Variants in RECK observed in about 807,000 individuals in gnomAD.
The protein encoded by RECK is reversion-inducing cysteine-rich protein with Kazal motifs.
In RECK, 69 loss-of-function variants were observed where a neutral mutation model predicts 115.1. That is an observed-to-expected ratio of 0.60 (90% CI 0.49 to 0.73). The LOEUF is 0.73. Ranked by LOEUF, RECK falls within the 30% of genes least tolerant of loss-of-function variation. RECK has a pLI of 0.00. For synonymous variants in RECK, 414 were observed against 419.7 expected, an observed-to-expected ratio of 0.99 and a Z score of 0.17; for missense variants, 1,047 against 1,203.7, an observed-to-expected ratio of 0.87 and a Z score of 1.93.
At chr9:36,062,659 G>A (rs1041818956) in intron 4 of RECK, among the ~76,000 whole-genome samples, 1 of 151,474 alleles carries the variant, frequency 6.6e-6, no homozygotes, top group South Asian at 2.1e-4. Flanking sequence ...TGAATTTTTA[G>A]TAGAGATGGG....
rs138582361 is a variant in RECK at position 36,055,987 on chromosome 9, G to A, written c.160-2840G>A. 2.8e-3 allele frequency among the ~76,000 whole-genome samples: 423 copies of A among 150,618 alleles called. 1 individual carries two copies. Among genetic ancestry groups the A allele is most frequent in the Non-Finnish European group, 4.3e-3 (290 of 67,630 alleles). ...TCTTTCATTATTGTCTTTTTCAATC[G>A]ATTTTTCTTTTCTTTCACTCTTCCT... On this transcript the variant is annotated intron_variant, in intron 2 of 20. Coordinates refer to ENST00000377966, the MANE Select transcript of RECK (RefSeq NM_021111.3).
rs536824715 is a variant in RECK at position 36,123,907 on chromosome 9, A to C, written c.*862A>C. On this transcript the variant is annotated 3_prime_UTR_variant, in exon 21 of 21. Transcript: ENST00000377966. ...AGTGAAATAATGTGTAGTTCATGTAAATAATACATTATATTTCTATTTTAT... is the reference window on the plus strand; with the variant it reads ...AGTGAAATAATGTGTAGTTCATGTACATAATACATTATATTTCTATTTTAT... 14 of 152,794 alleles carry C rather than the reference A, an allele frequency of 9.2e-5. No individual in the cohort carries two copies. The highest frequency in any genetic ancestry group is 3.4e-4 in the African/African-American group (14 of 41,586). The allele number at this position is 152,794 out of a possible 1,614,324, so 9.5% of individuals were successfully genotyped here. A position where few individuals can be genotyped will look rare whatever the true frequency, so the allele number is the denominator to read the frequency against.
chr9:36,104,292 G>GTATATATATATATATA (rs11273343), intron 12 of RECK, among the ~76,000 whole-genome samples: 9 of 43,880 alleles, frequency 2.1e-4, no homozygotes, highest in East Asian at 8.0e-4. Flanking sequence ...GTGTGTGTGT[G>GTATATATATATATATA]TATATATATA....
At chr9:36,111,790 G>A (rs545732952) in intron 15 of RECK, among the ~76,000 whole-genome samples, 1 of 152,056 alleles carries the variant, frequency 6.6e-6, no homozygotes, top group South Asian at 2.1e-4. Flanking sequence ...GCCAAATCAG[G>A]AGAAACAGTC....
intron 7 of RECK, among the ~76,000 whole-genome samples, chr9:36,082,595 T>C (rs1822768401): frequency 6.6e-6 from 1 of 152,184 alleles, no homozygotes; most frequent in Non-Finnish European, 1.5e-5. Flanking sequence ...CAGCTACTCA[T>C]CTAGCTCTCC....
chr9:36,040,103 A>G lies in RECK; in HGVS notation c.100+3005A>G, dbSNP rs1308525789. 3.9e-5 allele frequency among the ~76,000 whole-genome samples: 6 copies of G among 152,262 alleles called. No homozygotes were observed. The East Asian group carries it at 1.2e-3, about 29-fold the overall frequency. On this transcript the variant is annotated intron_variant, in intron 1 of 20. Transcript: ENST00000377966. ...TTGTTTATCCAAAAAATACTATATG[A>G]GTACTTATTATACGTCAGGCACTGT...
chr9:36,076,912 A>G (rs1385465446), intron 6 of RECK, among the ~76,000 whole-genome samples: 1 of 152,148 alleles, frequency 6.6e-6, no homozygotes, highest in Non-Finnish European at 1.5e-5. Flanking sequence ...GTGCAGTGTC[A>G]TGGAAGAGCA....
At chr9:36,106,190 A>G (rs1365680397) in intron 13 of RECK, among the ~76,000 whole-genome samples, 1 of 147,862 alleles carries the variant, frequency 6.8e-6, no homozygotes. Context: ...AGCCTGCCGG[A>G]CAGAGCCAGA....
intron 10 of RECK, among the ~76,000 whole-genome samples, chr9:36,097,600 A>C (rs1034166185): frequency 3.3e-5 from 5 of 152,188 alleles, no homozygotes; most frequent in African/African-American, 1.2e-4. Flanking sequence ...TAGTACAGCC[A>C]TTATGGGAAA....
rs116892193 is a variant in RECK at position 36,112,203 on chromosome 9, G to C, written c.1889-102G>C. On this transcript the variant is annotated intron_variant, in intron 15 of 20. Transcript: ENST00000377966. ...ACTTAATTTACAATTCTATTTTAACGTGAGACCTTCACATGATTGCTCATG... is the reference window on the plus strand; with the variant it reads ...ACTTAATTTACAATTCTATTTTAACCTGAGACCTTCACATGATTGCTCATG... 5.3e-6 allele frequency: 5 copies of C among 952,260 alleles called. 1 individual carries two copies. Among genetic ancestry groups the C allele is most frequent in the African/African-American group, 3.3e-5 (2 of 60,886 alleles). 59.0% of individuals were successfully genotyped at this position (952,260 alleles called of 1,614,324 possible).
intron 10 of RECK, among the ~76,000 whole-genome samples, chr9:36,095,089 A>G (rs1435315677): frequency 6.6e-6 from 1 of 152,208 alleles, no homozygotes; most frequent in Admixed American, 6.6e-5. Flanking sequence ...TTATGCAACA[A>G]AGAAGAAATC....
intron 6 of RECK, chr9:36,066,945 G>A (rs1006310245): frequency 2.4e-5 from 25 of 1,032,184 alleles, no homozygotes; most frequent in Non-Finnish European, 3.1e-5. Flanking sequence ...TCCCTAATTT[G>A]GCCTAGAATT....
chr9:36,037,165 G>A (rs1445905034), intron 1 of RECK, 67 bp downstream of exon 1: 2 of 1,105,412 alleles, frequency 1.8e-6, no homozygotes, highest in East Asian at 3.3e-5. Context: ...CCAAGATGGC[G>A]CGGGGCAGGG....
rs1425385065 is a variant in RECK at position 36,036,962 on chromosome 9, C to G, written c.-37C>G. On this transcript the variant is annotated 5_prime_UTR_variant, in exon 1 of 21. Transcript: ENST00000377966. The stretch of plus-strand genomic sequence containing the variant: ...GCAGCGGCTGCGGCCAAGCTGGGTC[C>G]GAGCATCCCGCGGCTCTGGAGCCGC... 67 of 1,356,782 alleles carry G rather than the reference C, an allele frequency of 4.9e-5. No individual in the cohort carries two copies. The highest frequency in any genetic ancestry group is 6.1e-5 in the Non-Finnish European group (64 of 1,042,236). The allele number at this position is 1,356,782 out of a possible 1,614,324, so 84.0% of individuals were successfully genotyped here.
At chr9:36,115,710 A>G (rs1488588224) in intron 16 of RECK, among the ~76,000 whole-genome samples, 2 of 152,208 alleles carry the variant, frequency 1.3e-5, no homozygotes, top group African/African-American at 4.8e-5. Flanking sequence ...TGACGGTGGT[A>G]GTGATTTTGG....
chr9:36,054,769 T>TTG (rs1821455191), intron 2 of RECK, among the ~76,000 whole-genome samples: 3 of 152,338 alleles, frequency 2.0e-5, no homozygotes, highest in Middle Eastern at 6.8e-3. Context: ...TTTTTGTATA[T>TTG]GTCTTACCTG....
chr9:36,090,669 G>C (rs1823124030), intron 9 of RECK, among the ~76,000 whole-genome samples: 1 of 152,106 alleles, frequency 6.6e-6, no homozygotes, highest in Admixed American at 6.5e-5. Flanking sequence ...TTAGGGAATA[G>C]AAATGGCTTT....
At chr9:36,053,890 T>C (rs1020495356) in intron 2 of RECK, among the ~76,000 whole-genome samples, 1 of 152,150 alleles carries the variant, frequency 6.6e-6, no homozygotes, top group African/African-American at 2.4e-5. Context: ...GGCAGATAGG[T>C]CCAAAAATAT....
At chr9:36,061,111 T>C (rs1474575665) in intron 4 of RECK, among the ~76,000 whole-genome samples, 2 of 152,038 alleles carry the variant, frequency 1.3e-5, no homozygotes, top group African/African-American at 4.8e-5. Context: ...CCTATCCTCT[T>C]CAAAAATAAT....
Sources: gnomAD v4.1 joint callset for allele counts (sites outside exome capture counted in the v4.1 genomes callset) on GRCh38, gnomAD v4.1.1 for gene constraint, MANE v1.5 for transcripts, NCBI Gene and HGNC (gene_info 2026-07-23, HGNC 2026-07-21) for gene names.